The following AGBL1 variants were observed in gnomAD, a reference collection of about 807,000 sequenced individuals.
The protein encoded by AGBL1 is AGBL carboxypeptidase 1.
A neutral mutation model predicts 118.9 loss-of-function variants in AGBL1; 130 were observed. That is an observed-to-expected ratio of 1.09 (90% CI 0.95 to 1.26). The LOEUF (loss-of-function observed/expected upper bound fraction) is 1.26, where lower values mean the gene tolerates loss of function less well. AGBL1 is among the 50% of genes most tolerant of loss of function. AGBL1 has a pLI of 0.00. For missense variants in AGBL1, 1,584 were observed against 1,298.1 expected (o/e 1.22, Z -3.38); for synonymous variants, 555 against 478.9 (o/e 1.16, Z -2.08).
intron 5 of AGBL1, among the ~76,000 whole-genome samples, chr15:86,198,824 C>A (rs7165367): frequency 0.2 from 29,801 of 152,020 alleles, 3,408 homozygotes; most frequent in East Asian, 0.38. Flanking sequence ...AGCCTCTAGA[C>A]TGGTGGGAAA....
chr15:86,953,789 C>T (rs1404634021), intron 23 of AGBL1, among the ~76,000 whole-genome samples: 4 of 152,020 alleles, frequency 2.6e-5, no homozygotes, highest in African/African-American at 7.2e-5. Context: ...GAAACTTTAC[C>T]GAAGTCGTTT....
At chr15:86,687,147 T>C (rs1158261346) in intron 22 of AGBL1, among the ~76,000 whole-genome samples, 2 of 152,118 alleles carry the variant, frequency 1.3e-5, no homozygotes, top group African/African-American at 4.8e-5. Flanking sequence ...GAAAAGGCTA[T>C]ATATGGAAAC....
intron 21 of AGBL1, among the ~76,000 whole-genome samples, chr15:86,561,169 T>G (rs1414981629): frequency 6.6e-6 from 1 of 152,252 alleles, no homozygotes; most frequent in South Asian, 2.1e-4. Flanking sequence ...TTTTGGCTTT[T>G]GTTGCCATTG....
intron 18 of AGBL1, among the ~76,000 whole-genome samples, chr15:86,418,841 G>A (rs1241704854): frequency 6.6e-6 from 1 of 151,986 alleles, no homozygotes; most frequent in Non-Finnish European, 1.5e-5. Context: ...TTAGTCTGGG[G>A]GTGTGAAACT....
intron 15 of AGBL1, among the ~76,000 whole-genome samples, 187 bp downstream of exon 15, chr15:86,271,893 G>A (rs959578186): frequency 1.3e-5 from 2 of 152,214 alleles, no homozygotes; most frequent in Non-Finnish European, 2.9e-5. Context: ...ACGCACAGTA[G>A]ACCTCGAGAA....
intron 23 of AGBL1, among the ~76,000 whole-genome samples, chr15:86,960,027 A>G (rs1385723777): frequency 1.3e-5 from 2 of 152,142 alleles, no homozygotes; most frequent in Non-Finnish European, 2.9e-5. Flanking sequence ...GCAGCGCATA[A>G]TATTTCAAAA....
intron 5 of AGBL1, among the ~76,000 whole-genome samples, chr15:86,190,554 C>G (rs997688565): frequency 6.6e-6 from 1 of 152,016 alleles, no homozygotes; most frequent in African/African-American, 2.4e-5. Flanking sequence ...GGCAATTCTC[C>G]CTAGGTAAAT....
chr15:86,238,874 T>G (rs1318708826), intron 6 of AGBL1, among the ~76,000 whole-genome samples: 1 of 152,190 alleles, frequency 6.6e-6, no homozygotes, highest in Admixed American at 6.5e-5. Flanking sequence ...AGGCTGGTCT[T>G]GAACTCCTGG....
intron 17 of AGBL1, among the ~76,000 whole-genome samples, chr15:86,396,145 G>A (rs768248): frequency 0.032 from 2,734 of 86,006 alleles, 35 homozygotes; most frequent in Non-Finnish European, 0.037. Context: ...TCATATATAT[G>A]TGTATATATA....
At chr15:86,954,430 G>GA (rs1362198529) in intron 23 of AGBL1, among the ~76,000 whole-genome samples, 2 of 152,138 alleles carry the variant, frequency 1.3e-5, no homozygotes, top group African/African-American at 4.8e-5. Context: ...ACTGAAGGAG[G>GA]AAAATATGAT....
At chr15:86,787,395 T>G (rs886722001) in intron 22 of AGBL1, among the ~76,000 whole-genome samples, 3 of 152,154 alleles carry the variant, frequency 2.0e-5, no homozygotes, top group Non-Finnish European at 4.4e-5. Context: ...AACTGCAAAT[T>G]TGTACCCTTA....
intron 19 of AGBL1, among the ~76,000 whole-genome samples, chr15:86,543,880 T>TTTCCTC (rs1420198808): frequency 2.6e-5 from 4 of 152,202 alleles, no homozygotes; most frequent in Non-Finnish European, 5.9e-5. Flanking sequence ...TCAACCATTG[T>TTTCCTC]AGGTAGATGA....
In AGBL1 at chr15:86,430,813, C is replaced by CA. The variant is rs556843002; in HGVS notation, c.2555+33267_2555+33268insA. ...ACTTTTGAGAATGTGGGTTGTATTA[C>CA]GTATAACTTTGTGATACATATACAT... On this transcript the variant is annotated intron_variant, in intron 18 of 22. Coordinates refer to ENST00000614907, the MANE Select transcript of AGBL1 (RefSeq NM_001386094.1). Among the ~76,000 whole-genome samples the CA allele has an allele frequency of 3.2e-3, 481 of 152,230 alleles. 1 individual carries two copies. The highest frequency in any genetic ancestry group is 0.011 in the African/African-American group (454 of 41,536).
intron 21 of AGBL1, among the ~76,000 whole-genome samples, chr15:86,581,192 G>T (rs1171617746): frequency 6.6e-6 from 1 of 152,136 alleles, no homozygotes; most frequent in Admixed American, 6.5e-5. Flanking sequence ...GTGAGAAGTT[G>T]TATTTCTACT....
intron 21 of AGBL1, among the ~76,000 whole-genome samples, chr15:86,625,068 C>A (rs1335339578): frequency 6.6e-6 from 1 of 152,146 alleles, no homozygotes; most frequent in Non-Finnish European, 1.5e-5. Context: ...CCCTCATAGA[C>A]CTCCAGTCAT....
intron 23 of AGBL1, among the ~76,000 whole-genome samples, chr15:86,975,731 C>A (rs1264920706): frequency 6.6e-6 from 1 of 152,154 alleles, no homozygotes; most frequent in Non-Finnish European, 1.5e-5. Context: ...CCATCCCACA[C>A]TCAACCTGTC....
chr15:86,958,426 G>A (rs996750476), intron 23 of AGBL1, among the ~76,000 whole-genome samples: 2 of 151,798 alleles, frequency 1.3e-5, no homozygotes, highest in African/African-American at 4.8e-5. Flanking sequence ...TTTTAGCATA[G>A]GTATAGACAA....
intron 17 of AGBL1, among the ~76,000 whole-genome samples, chr15:86,349,601 C>T (rs2080593319): frequency 6.6e-6 from 1 of 152,154 alleles, no homozygotes; most frequent in Non-Finnish European, 1.5e-5. Context: ...AGTAGGAACT[C>T]AATAAATGCT....
At chr15:86,620,450 C>G (rs2084787858) in intron 21 of AGBL1, among the ~76,000 whole-genome samples, 2 of 152,200 alleles carry the variant, frequency 1.3e-5, no homozygotes, top group Non-Finnish European at 2.9e-5. Flanking sequence ...ATCACTCCCA[C>G]TTACCTGCTT....
Sources: gnomAD v4.1 joint callset for allele counts (sites outside exome capture counted in the v4.1 genomes callset) on GRCh38, gnomAD v4.1.1 for gene constraint, MANE v1.5 for transcripts, NCBI Gene and HGNC (gene_info 2026-07-23, HGNC 2026-07-21) for gene names.